The following ADGRL2 variants were observed in gnomAD, a reference collection of about 807,000 sequenced individuals.
The protein encoded by ADGRL2 is adhesion G protein-coupled receptor L2.
ADGRL2 carries 44 observed loss-of-function variants against 157.4 expected under a neutral mutation model. The observed-to-expected ratio is 0.28, with a 90% CI of 0.22 to 0.36. The LOEUF is 0.36. Among genes scored for constraint, ADGRL2 ranks in the 10% least tolerant of loss-of-function variants. The probability of loss-of-function intolerance (pLI) is 1.00; values close to 1 mark genes in which losing one functional copy is unlikely to be tolerated. For missense variants in ADGRL2, 1,510 were observed against 1,768.9 expected (o/e 0.85, Z 2.63); for synonymous variants, 585 against 624.7 (o/e 0.94, Z 0.95).
intron 1 of ADGRL2, among the ~76,000 whole-genome samples, chr1:81,808,389 T>A (rs576462385): frequency 7.1e-4 from 108 of 152,172 alleles, no homozygotes; most frequent in African/African-American, 2.5e-3. Context: ...TGTAAGGATA[T>A]TGGCGCCAGT....
chr1:81,890,425 T>C (rs284217), intron 2 of ADGRL2, among the ~76,000 whole-genome samples: 118,615 of 151,968 alleles, frequency 0.78, 46,566 homozygotes, highest in East Asian at 0.94. Context: ...AATTTATTTT[T>C]GGAAAAACAG....
intron 1 of ADGRL2, among the ~76,000 whole-genome samples, chr1:81,333,616 C>A (rs1661428658): frequency 6.6e-6 from 1 of 151,978 alleles, no homozygotes; most frequent in Admixed American, 6.6e-5. Flanking sequence ...AGGTGTTTCA[C>A]CATCTTGGCC....
At chr1:81,927,166 C>T (rs1449114743) in intron 3 of ADGRL2, among the ~76,000 whole-genome samples, 2 of 151,800 alleles carry the variant, frequency 1.3e-5, no homozygotes, top group South Asian at 4.1e-4. Context: ...AAAAAAAGCA[C>T]GACAACCTCC....
At chr1:81,628,660 C>T (rs1418495500) in intron 3 of ADGRL2, among the ~76,000 whole-genome samples, 2 of 152,122 alleles carry the variant, frequency 1.3e-5, no homozygotes, top group East Asian at 3.9e-4. Context: ...GAAGAGAATG[C>T]TTTCTTTACA....
At chr1:81,334,851 T>C (rs563477724) in intron 1 of ADGRL2, among the ~76,000 whole-genome samples, 7 of 152,296 alleles carry the variant, frequency 4.6e-5, no homozygotes, top group African/African-American at 1.7e-4. Context: ...CCTCACAGGA[T>C]AGATATTTGA....
chr1:81,489,173 G>T (rs1436644469), intron 2 of ADGRL2, among the ~76,000 whole-genome samples: 1 of 151,980 alleles, frequency 6.6e-6, no homozygotes, highest in African/African-American at 2.4e-5. Flanking sequence ...GGAGGTGGAG[G>T]TTGCAGTGAG....
At chr1:81,545,528 G>T (rs1352973686) in intron 2 of ADGRL2, among the ~76,000 whole-genome samples, 1 of 151,996 alleles carries the variant, frequency 6.6e-6, no homozygotes, top group Admixed American at 6.6e-5. Context: ...TGATCTGCCC[G>T]CCTCGCCTCC....
chr1:81,778,201 A>G (rs972400871), intron 2 of ADGRL2, among the ~76,000 whole-genome samples: 1 of 114,180 alleles, frequency 8.8e-6, no homozygotes, highest in Non-Finnish European at 1.7e-5. Context: ...GGGCACTTGT[A>G]GTCCCAGCTC....
chr1:81,603,822 T>C (rs2148643851), intron 3 of ADGRL2, among the ~76,000 whole-genome samples: 1 of 152,362 alleles, frequency 6.6e-6, no homozygotes, highest in African/African-American at 2.4e-5. Flanking sequence ...TCTTAAATTG[T>C]ATGGCTTATT....
At chr1:81,495,257 A>G (rs1320570168) in intron 2 of ADGRL2, among the ~76,000 whole-genome samples, 2 of 152,168 alleles carry the variant, frequency 1.3e-5, no homozygotes, top group African/African-American at 4.8e-5. Context: ...TTGCAGATCA[A>G]TTTGCAAAAG....
At chr1:81,481,286 C>T (rs79955412) in intron 2 of ADGRL2, among the ~76,000 whole-genome samples, 2,407 of 152,288 alleles carry the variant, frequency 0.016, 70 homozygotes, top group East Asian at 0.13. Context: ...AAGGCTTTCC[C>T]GGTCAAATTC....
intron 1 of ADGRL2, among the ~76,000 whole-genome samples, chr1:81,352,911 T>C (rs1221151443): frequency 6.6e-6 from 1 of 152,068 alleles, no homozygotes; most frequent in East Asian, 1.9e-4. Context: ...CAAGCAGGGA[T>C]TTGGGAATGG....
chr1:81,308,157 C>T (rs908770417), intron 1 of ADGRL2, among the ~76,000 whole-genome samples: 1 of 151,942 alleles, frequency 6.6e-6, no homozygotes, highest in African/African-American at 2.4e-5. Context: ...ATTTATTACA[C>T]AGTAATTAGA....
intron 2 of ADGRL2, among the ~76,000 whole-genome samples, chr1:81,843,516 T>C (rs992160105): frequency 6.6e-6 from 1 of 152,214 alleles, no homozygotes. Context: ...CATGAGAATA[T>C]TGTAATTTGA....
chr1:81,481,870 C>T (rs1376596009), intron 2 of ADGRL2, among the ~76,000 whole-genome samples: 1 of 152,096 alleles, frequency 6.6e-6, no homozygotes, highest in East Asian at 1.9e-4. Flanking sequence ...GTTTCTTTGC[C>T]TCCATCTCAC....
At chr1:81,389,379 T>C (rs2076494604) in intron 1 of ADGRL2, among the ~76,000 whole-genome samples, 1 of 151,836 alleles carries the variant, frequency 6.6e-6, no homozygotes, top group African/African-American at 2.4e-5. Context: ...TATGAAGAAA[T>C]TCTAGAAAAT....
chr1:81,415,936 G>A (rs960394822), intron 1 of ADGRL2, among the ~76,000 whole-genome samples: 4 of 151,766 alleles, frequency 2.6e-5, no homozygotes, highest in Non-Finnish European at 5.9e-5. Flanking sequence ...GGCCTCCCGG[G>A]TTCATGCCAT....
At chr1:81,313,397 A>C (rs1199810158) in intron 1 of ADGRL2, among the ~76,000 whole-genome samples, 2 of 152,168 alleles carry the variant, frequency 1.3e-5, no homozygotes, top group African/African-American at 4.8e-5. Context: ...ATTTTCACCC[A>C]ATTCTGCTTC....
chr1:81,324,172 C>A (rs544427624), intron 1 of ADGRL2, among the ~76,000 whole-genome samples: 2 of 151,950 alleles, frequency 1.3e-5, no homozygotes, highest in African/African-American at 4.8e-5. Flanking sequence ...AGGCTTCAAG[C>A]GGAGGAGATG....
Sources: gnomAD v4.1 joint callset for allele counts (sites outside exome capture counted in the v4.1 genomes callset) on GRCh38, gnomAD v4.1.1 for gene constraint, MANE v1.5 for transcripts, NCBI Gene and HGNC (gene_info 2026-07-23, HGNC 2026-07-21) for gene names.